Variants in SBF1 observed in about 807,000 individuals in gnomAD.
The protein encoded by SBF1 is myotubularin-related protein 5.
In SBF1, 65 loss-of-function variants were observed where a neutral mutation model predicts 215.8. The ratio of observed to expected loss-of-function variants is 0.30; its 90% CI spans 0.25 to 0.37. The LOEUF (loss-of-function observed/expected upper bound fraction) is 0.37, where lower values mean the gene tolerates loss of function less well. SBF1 is among the 10% of genes least tolerant of loss of function. The pLI, the probability that SBF1 is intolerant of heterozygous loss-of-function variation, is 1.00. For missense variants in SBF1, 2,634 were observed against 2,667.8 expected (o/e 0.99, Z 0.28); for synonymous variants, 1,410 against 1,122.8 (o/e 1.26, Z -5.11).
At chr22:50,447,487 C>A in intron 39 of SBF1, 34 bp from the exon 40 acceptor site, 2 of 1,602,570 alleles carry the variant, frequency 1.2e-6, no homozygotes, top group Non-Finnish European at 1.7e-6. Context: ...GGAGCCCCCT[C>A]CCCCGTGAGT....
rs751426289 is a variant in SBF1, at chr22:50,465,333, G to A, written c.1090-5C>T. ...GACCGCGCGCAGCTCCTTGTCCTGG[G>A]AGAAGAGCTGAGTGCAGGTGAGAGC... On this transcript the variant is annotated splice_polypyrimidine_tract_variant and splice_region_variant and intron_variant, in intron 10 of 40. Transcript: ENST00000380817. The A allele has an allele frequency of 3.1e-5, 48 of 1,571,726 alleles. No homozygotes were observed. In the Middle Eastern group the frequency reaches 6.7e-4, roughly 22 times the overall value.
Position 50,462,704 on chromosome 22 carries a change from C to A in SBF1, c.1982G>T (p.Gly661Val). The A allele has an allele frequency of 1.2e-6, 2 of 1,611,660 alleles. No individual in the cohort carries two copies. The highest frequency in any genetic ancestry group is 1.1e-5 in the South Asian group (1 of 90,668). ...ACAGCTGTATGCAAACTGCGTCACC[C>A]CCGGGCTCAGCTTCTGCAGGAGCCA... is the stretch of plus-strand genomic sequence containing the variant. Reference protein sequence around the residue: ...VTAFCRKLSPGVTQFAYSCVQ... With the variant: ...VTAFCRKLSPVVTQFAYSCVQ... The change falls in exon 18 of 41, where the codon GGG becomes GTG. Residue 661 changes from glycine to valine, a missense_variant. By Grantham distance (109) the Gly-to-Val change is moderately radical. Transcript: ENST00000380817.
chr22:50,474,919 C>T lies in SBF1; in HGVS notation c.-79G>A, dbSNP rs1180969876. ...ACTCGAGGACGGCGCGCTCATGGCC[C>T]GGCCCCGGCCCTGGACCGCGCACCC... On this transcript the variant is annotated 5_prime_UTR_variant, in exon 1 of 41. Transcript: ENST00000380817. The T allele has an allele frequency of 1.9e-6, 2 of 1,067,828 alleles. No individual in the cohort carries two copies. Among genetic ancestry groups the T allele is most frequent in the Non-Finnish European group, 2.4e-6 (2 of 821,926 alleles). The allele number at this position is 1,067,828 out of a possible 1,614,324, so 66.1% of individuals were successfully genotyped here. A position where few individuals can be genotyped will look rare whatever the true frequency, so the allele number is the denominator to read the frequency against.
At position 50,463,613 on chromosome 22, in the gene SBF1, T is replaced by C. The variant is rs146643317; in HGVS notation, c.1750-181A>G. Reference sequence around the variant, plus strand: ...CCAGTGGGCCCGACAACTCCACAAGTACAAGTTCACCAGGCCAGACACAAG... The same window carrying C: ...CCAGTGGGCCCGACAACTCCACAAGCACAAGTTCACCAGGCCAGACACAAG... On this transcript the variant is annotated intron_variant, in intron 15 of 40. Transcript: ENST00000380817. 1.8e-3 allele frequency among the ~76,000 whole-genome samples: 281 copies of C among 152,266 alleles called. 1 individual carries two copies. The highest frequency in any genetic ancestry group is 6.5e-3 in the African/African-American group (269 of 41,568).
chr22:50,461,258 G>T lies in SBF1; in HGVS notation c.2868C>A (p.Phe956Leu). 6.2e-7 allele frequency: 1 copy of T among 1,612,520 alleles called. No homozygotes were observed. The highest frequency in any genetic ancestry group is 1.1e-5 in the South Asian group (1 of 91,014). ...LVGEQVVVRS[F>L]PVAALTKEKR... ...TCTCCTTGGTCAGCGCAGCCACCGG[G>T]AAGGAGCGGACCACCACCTGCTCCC... Residue 956 changes from phenylalanine (F) to leucine (L), a missense_variant, in exon 23 of 41, where the codon TTC becomes TTA. Phe to Leu is a conservative substitution (Grantham distance 22). Transcript: ENST00000380817.
In SBF1 at chr22:50,461,569, G is replaced by A; in HGVS notation, c.2793C>T (p.Leu931=). 1 of 1,611,006 alleles carries A rather than the reference G, an allele frequency of 6.2e-7. No homozygotes were observed. The highest frequency in any genetic ancestry group is 8.5e-7 in the Non-Finnish European group (1 of 1,178,722). ...ALLPAEGAVF[L]TTYRVIFTGM... is the part of the protein sequence containing the mutation. ...CCGTGAAGATGACCCGGTACGTGGT[G>A]AGGAAGACGGCGCCCTCAGCTGGGA... Residue 931 remains leucine, a synonymous_variant, in exon 22 of 41, where the codon CTC becomes CTT. Transcript: ENST00000380817.
chr22:50,466,780 T>C (rs944577441), intron 5 of SBF1, 70 bp from the exon 6 acceptor site: 1 of 1,126,708 alleles, frequency 8.9e-7, no homozygotes, highest in African/African-American at 1.6e-5. Flanking sequence ...CAGAGCTCTG[T>C]GTCCCCAGGC....
intron 31 of SBF1, 120 bp from the exon 32 acceptor site, chr22:50,455,702 C>CT: frequency 1.2e-6 from 1 of 800,850 alleles, no homozygotes; most frequent in Non-Finnish European, 2.1e-6. Flanking sequence ...CCACAGCCCC[C>CT]CAAGCCCTGT....
intron 22 of SBF1, 50 bp from the exon 23 acceptor site, chr22:50,461,336 G>A (rs532002016): frequency 4.5e-6 from 7 of 1,555,250 alleles, no homozygotes; most frequent in East Asian, 2.3e-5. Flanking sequence ...AGGGGGGGGG[G>A]GTCCCAGAAT....
rs543793274 is a variant in SBF1 at position 50,447,058 on chromosome 22, C to A, written c.*84G>T. On this transcript the variant is annotated 3_prime_UTR_variant, in exon 41 of 41. Transcript: ENST00000380817. ...GCCTCAATACTGTCGAGGGCCGGGG[C>A]TGTAAACATGGCCGGGGCGGCCCTG... 1.7e-5 allele frequency: 21 copies of A among 1,233,992 alleles called. No homozygotes were observed. In the South Asian group the frequency reaches 2.5e-4, roughly 15 times the overall value. 76.4% of individuals were successfully genotyped at this position (1,233,992 alleles called of 1,614,324 possible).
chr22:50,461,062 G>C (rs752137270), intron 23 of SBF1, 97 bp downstream of exon 23: 1 of 1,450,226 alleles, frequency 6.9e-7, no homozygotes, highest in Non-Finnish European at 9.2e-7. Context: ...GGCCACTGCT[G>C]GAGACTGGCC....
chr22:50,463,023 AC>A, intron 16 of SBF1, 85 bp from the exon 17 acceptor site: 1 of 1,346,876 alleles, frequency 7.4e-7, no homozygotes, highest in Non-Finnish European at 1.0e-6. Context: ...CCCCATAACC[AC>A]CACAGACCAG....
In SBF1 at chr22:50,462,237, C is replaced by T; in HGVS notation, c.2364G>A (p.Leu788=). The T allele has an allele frequency of 6.2e-7, 1 of 1,608,604 alleles. No homozygotes were observed. The highest frequency in any genetic ancestry group is 8.5e-7 in the Non-Finnish European group (1 of 1,179,984). Residue 788 remains leucine (L), a synonymous_variant, in exon 19 of 41, where the codon CTG becomes CTA. Transcript: ENST00000380817. ...LLRERAGLGD[L]ESASNSLVTN... ...TGACCAGGCTGTTGCTGGCGCTCTCCAGGTCGCCCAGCCCGGCACGCTCCC... is the reference window on the plus strand; with the variant it reads ...TGACCAGGCTGTTGCTGGCGCTCTCTAGGTCGCCCAGCCCGGCACGCTCCC...
chr22:50,464,552 G>A lies in SBF1; in HGVS notation c.1618C>T (p.Pro540Ser), dbSNP rs1451290684. 4 of 1,611,270 alleles carry A rather than the reference G, an allele frequency of 2.5e-6. No homozygotes were observed. The highest frequency in any genetic ancestry group is 1.7e-5 in the Admixed American group (1 of 59,874). The change falls in exon 14 of 41, where the codon CCC becomes TCC. Residue 540 changes from proline to serine, a missense_variant. By Grantham distance (74) the Pro-to-Ser change is moderately conservative. Coordinates refer to ENST00000380817, the MANE Select transcript of SBF1 (RefSeq NM_002972.4). ...AVKAERRTTV[P>S]SGPPMTAILE... ...TACGCACTCATGGGGGGCCCTGAGG[G>A]CACGGTGGTCCTCCTCTCGGCCTTC... is the stretch of plus-strand genomic sequence containing the variant.
chr22:50,454,968 T>G (rs372584745), intron 34 of SBF1, 24 bp from the exon 35 acceptor site: 1 of 1,613,822 alleles, frequency 6.2e-7, no homozygotes, highest in African/African-American at 1.3e-5. Flanking sequence ...GCACTGAGCC[T>G]GGGCCCCTCC....
Position 50,465,061 on chromosome 22 carries a change from G to C in SBF1, c.1272C>G (p.Ala424=), listed in dbSNP as rs775180420. 1 of 1,614,096 alleles carries C rather than the reference G, an allele frequency of 6.2e-7. No homozygotes were observed. Among genetic ancestry groups the C allele is most frequent in the South Asian group, 1.1e-5 (1 of 91,078 alleles). The change falls in exon 12 of 41, where the codon GCC becomes GCG. Residue 424 remains alanine, a synonymous_variant. Transcript: ENST00000380817. ...CACGCTCTGACACAAAGCCAGCAAA[G>C]GCCATGCCCTCCAGCACCTTCATCA... ...DFLMKVLEGM[A]FAGFVSERGV...
In SBF1 at chr22:50,466,297, C is replaced by T. The variant is rs773556913; in HGVS notation, c.789-39G>A. The T allele has an allele frequency of 1.6e-5, 25 of 1,610,704 alleles. 1 individual carries two copies. The South Asian group carries it at 1.9e-4, about 12-fold the overall frequency. On this transcript the variant is annotated intron_variant, in intron 7 of 40. Transcript: ENST00000380817. ...AGAGGATGCAGTGAGCCAGGGGACG[C>T]GGCTGGGCAAAGGGGCCAGGAGAAG...
intron 22 of SBF1, 94 bp downstream of exon 22, chr22:50,461,429 C>A (rs2067506755): frequency 6.7e-7 from 1 of 1,497,208 alleles, no homozygotes; most frequent in East Asian, 2.3e-5. Flanking sequence ...CACCCAGAAC[C>A]CCCGAGAAAA....
At position 50,464,845 on chromosome 22, in the gene SBF1, C is replaced by T. The variant is rs541985914; in HGVS notation, c.1405G>A (p.Glu469Lys). Residue 469 changes from glutamate (E) to lysine (K), a missense_variant, in exon 13 of 41, where the codon GAA becomes AAA. Coordinates refer to ENST00000380817, the MANE Select transcript of SBF1 (RefSeq NM_002972.4). ...HPQRVLRHVQ[E>K]LAEQLYKNEN... ...TTCTTGTAGAGCTGCTCTGCCAGTT[C>T]CTGGACGTGACGCAGGACACGCTGG... 1.2e-6 allele frequency: 2 copies of T among 1,613,700 alleles called. No homozygotes were observed. Among genetic ancestry groups the T allele is most frequent in the South Asian group, 2.2e-5 (2 of 91,082 alleles).
Sources: gnomAD v4.1 joint callset for allele counts (sites outside exome capture counted in the v4.1 genomes callset) on GRCh38, gnomAD v4.1.1 for gene constraint, MANE v1.5 for transcripts, NCBI Gene and HGNC (gene_info 2026-07-23, HGNC 2026-07-21) for gene names.